The following DLC1 variants were observed in gnomAD, a reference collection of about 807,000 sequenced individuals.
DLC1 encodes the protein DLC1 Rho GTPase activating protein.
In DLC1, 54 loss-of-function variants were observed where a neutral mutation model predicts 140.3. The observed-to-expected ratio is 0.38, with a 90% CI of 0.31 to 0.48. The LOEUF (loss-of-function observed/expected upper bound fraction) is 0.48, where lower values mean the gene tolerates loss of function less well. Among genes scored for constraint, DLC1 ranks in the 20% least tolerant of loss-of-function variants. The pLI is 0.96. For synonymous variants in DLC1, 986 were observed against 728.1 expected, an observed-to-expected ratio of 1.35 and a Z score of -5.70; for missense variants, 2,536 against 1,907.0, an observed-to-expected ratio of 1.33 and a Z score of -6.14.
At chr8:13,424,263 C>T (rs867866727) in intron 2 of DLC1, among the ~76,000 whole-genome samples, 1 of 152,036 alleles carries the variant, frequency 6.6e-6, no homozygotes, top group Non-Finnish European at 1.5e-5. Flanking sequence ...CTTTGGGAGG[C>T]CAATCACCTG....
chr8:13,392,386 A>G (rs926752231), intron 4 of DLC1, among the ~76,000 whole-genome samples: 1 of 152,210 alleles, frequency 6.6e-6, no homozygotes, highest in Non-Finnish European at 1.5e-5. Context: ...TATAAATAAC[A>G]CAGGGAACAT....
At position 13,084,127 on chromosome 8, in the gene DLC1, A is replaced by C. The variant is rs1464331407; in HGVS notation, c.*1684T>G. On this transcript the variant is annotated 3_prime_UTR_variant, in exon 18 of 18. Coordinates refer to ENST00000276297, the MANE Select transcript of DLC1 (RefSeq NM_182643.3). Reference sequence around the variant, plus strand: ...AAATACAAGTATATCTTAAATAATAATCTTTATCATGCTTTATCTATGTTT... The same window carrying C: ...AAATACAAGTATATCTTAAATAATACTCTTTATCATGCTTTATCTATGTTT... 2.0e-5 allele frequency: 3 copies of C among 152,632 alleles called. No individual in the cohort carries two copies. Among genetic ancestry groups the C allele is most frequent in the African/African-American group, 7.2e-5 (3 of 41,452 alleles). The allele number at this position is 152,632 out of a possible 1,614,324, so 9.5% of individuals were successfully genotyped here. A position where few individuals can be genotyped will look rare whatever the true frequency, so the allele number is the denominator to read the frequency against.
chr8:13,598,848 A>C (rs1805769177), intron 1 of DLC1, among the ~76,000 whole-genome samples: 1 of 151,992 alleles, frequency 6.6e-6, no homozygotes, highest in Admixed American at 6.6e-5. Flanking sequence ...TCTGAAAAAT[A>C]ATTTAAAACT....
At chr8:13,220,208 C>T (rs1050600689) in intron 5 of DLC1, among the ~76,000 whole-genome samples, 2 of 152,102 alleles carry the variant, frequency 1.3e-5, no homozygotes, top group African/African-American at 4.8e-5. Flanking sequence ...ACCACAATAA[C>T]ATTGAGTCAT....
chr8:13,313,852 C>T (rs908476757), intron 4 of DLC1, among the ~76,000 whole-genome samples: 2 of 151,878 alleles, frequency 1.3e-5, no homozygotes, highest in Middle Eastern at 3.2e-3. Flanking sequence ...AATCCTTCTT[C>T]CTCACCTTTA....
intron 1 of DLC1, among the ~76,000 whole-genome samples, chr8:13,540,365 C>A (rs1393211863): frequency 6.6e-6 from 1 of 152,148 alleles, no homozygotes; most frequent in Non-Finnish European, 1.5e-5. Flanking sequence ...TATTTTCTAT[C>A]CCACAGTAAA....
intron 2 of DLC1, among the ~76,000 whole-genome samples, chr8:13,495,311 CT>C (rs1414301007): frequency 6.6e-6 from 1 of 152,138 alleles, no homozygotes; most frequent in South Asian, 2.1e-4. Flanking sequence ...TGTTTTCCAT[CT>C]TCACATCTCA....
chr8:13,502,314 G>C (rs909037177), intron 1 of DLC1, among the ~76,000 whole-genome samples: 9 of 151,988 alleles, frequency 5.9e-5, no homozygotes, highest in African/African-American at 2.2e-4. Context: ...TTCTAATCTA[G>C]GTGCTTTCAA....
At chr8:13,461,211 A>G (rs1179878211) in intron 2 of DLC1, among the ~76,000 whole-genome samples, 1 of 152,252 alleles carries the variant, frequency 6.6e-6, no homozygotes, top group African/African-American at 2.4e-5. Flanking sequence ...GCCTGTCTCA[A>G]CAGCAATGAC....
At chr8:13,153,376 G>A (rs1250321385) in intron 5 of DLC1, among the ~76,000 whole-genome samples, 2 of 152,194 alleles carry the variant, frequency 1.3e-5, no homozygotes, top group African/African-American at 2.4e-5. Flanking sequence ...CAGGAGTGAA[G>A]CTGCAAACCT....
intron 4 of DLC1, among the ~76,000 whole-genome samples, chr8:13,313,878 C>T (rs1238434502): frequency 6.6e-6 from 1 of 152,018 alleles, no homozygotes; most frequent in East Asian, 1.9e-4. Context: ...AGGTTTGTCA[C>T]CCCAAACTAG....
chr8:13,169,278 G>T (rs1286292462), intron 5 of DLC1, among the ~76,000 whole-genome samples: 1 of 152,144 alleles, frequency 6.6e-6, no homozygotes, highest in Non-Finnish European at 1.5e-5. Flanking sequence ...TTTTGTTGTT[G>T]TTTTTGCTTT....
rs544799456 is a variant in DLC1 at position 13,499,272 on chromosome 8, A to G, written c.800T>C (p.Leu267Pro). ...FLDTPCTNRG[L>P]PLLKTDFGSC... is the part of the protein sequence containing the mutation. ...TCCAAAATCTGTTTTTAATAATGGC[A>G]GTCCTCTGTTTGTGCAAGGAGTATC... Residue 267 changes from leucine to proline, a missense_variant, in exon 2 of 18, where the codon CTG becomes CCG. Coordinates refer to ENST00000276297, the MANE Select transcript of DLC1 (RefSeq NM_182643.3). 2.0e-4 allele frequency: 317 copies of G among 1,614,188 alleles called. No individual in the cohort carries two copies. In the South Asian group the frequency reaches 3.3e-3, roughly 17 times the overall value.
At chr8:13,393,169 T>A in intron 4 of DLC1, among the ~76,000 whole-genome samples, 1 of 152,102 alleles carries the variant, frequency 6.6e-6, no homozygotes. Flanking sequence ...TCCATCATCA[T>A]CTGTCGTCTA....
intron 5 of DLC1, chr8:13,132,975 G>A (rs1822247535): frequency 6.2e-7 from 1 of 1,611,140 alleles, no homozygotes; most frequent in Non-Finnish European, 8.5e-7. Flanking sequence ...GCTTCTTTCT[G>A]CACATCAAGC....
At chr8:13,166,445 A>G (rs1401100329) in intron 5 of DLC1, among the ~76,000 whole-genome samples, 1 of 152,098 alleles carries the variant, frequency 6.6e-6, no homozygotes, top group East Asian at 1.9e-4. Context: ...GGTTCAAGCT[A>G]TTCTCCTGCC....
At chr8:13,137,249 G>T (rs185123829) in intron 5 of DLC1, among the ~76,000 whole-genome samples, 2 of 152,196 alleles carry the variant, frequency 1.3e-5, no homozygotes. Flanking sequence ...ATCACTCAAG[G>T]TTTCATCTGT....
At chr8:13,550,491 G>C (rs546821686) in intron 1 of DLC1, among the ~76,000 whole-genome samples, 2 of 152,024 alleles carry the variant, frequency 1.3e-5, no homozygotes, top group Non-Finnish European at 2.9e-5. Flanking sequence ...CTATATACAG[G>C]CAATTCGAAT....
intron 1 of DLC1, among the ~76,000 whole-genome samples, chr8:13,507,025 G>A (rs986016578): frequency 3.3e-5 from 5 of 152,060 alleles, no homozygotes; most frequent in Admixed American, 2.6e-4. Flanking sequence ...TAGAAAAGAC[G>A]ATCAACAACC....
Sources: allele counts gnomAD v4.1 joint callset (sites outside exome capture counted in the v4.1 genomes callset), GRCh38; gene constraint gnomAD v4.1.1; transcripts MANE v1.5; gene names NCBI Gene and HGNC (gene_info 2026-07-23, HGNC 2026-07-21).